The following CDK14 variants were observed in gnomAD, a reference collection of about 807,000 sequenced individuals.
CDK14 encodes cyclin dependent kinase 14.
In CDK14, 34 loss-of-function variants were observed where a neutral mutation model predicts 60.7. The ratio of observed to expected loss-of-function variants is 0.56; its 90% CI spans 0.43 to 0.75. CDK14 has a LOEUF of 0.75. CDK14 is among the 30% of genes least tolerant of loss of function. CDK14 has a pLI of 0.00. For missense variants in CDK14, 482 were observed against 564.1 expected, an observed-to-expected ratio of 0.85 and a Z score of 1.47; for synonymous variants, 197 against 203.7, an observed-to-expected ratio of 0.97 and a Z score of 0.28.
chr7:91,019,151 A>G (rs1283302790), intron 10 of CDK14, among the ~76,000 whole-genome samples: 1 of 152,204 alleles, frequency 6.6e-6, no homozygotes, highest in African/African-American at 2.4e-5. Context: ...GTAAACTCCA[A>G]TAAATAAGAA....
chr7:91,018,540 T>C (rs1796358378), intron 10 of CDK14, among the ~76,000 whole-genome samples: 10 of 152,318 alleles, frequency 6.6e-5, no homozygotes, highest in South Asian at 6.2e-4. Context: ...TACAAGGGCA[T>C]TGATATGGTT....
intron 11 of CDK14, among the ~76,000 whole-genome samples, chr7:91,072,216 G>A (rs935899196): frequency 1.5e-4 from 23 of 152,126 alleles, no homozygotes; most frequent in African/African-American, 5.1e-4. Flanking sequence ...CCAACTGGGC[G>A]AGACCCTCTT....
chr7:91,183,694 G>T (rs1340408033), intron 14 of CDK14, among the ~76,000 whole-genome samples: 1 of 152,148 alleles, frequency 6.6e-6, no homozygotes, highest in Non-Finnish European at 1.5e-5. Context: ...TGACACCTTA[G>T]TTCTTTCCAC....
chr7:90,907,840 A>T (rs924730459), intron 7 of CDK14, among the ~76,000 whole-genome samples: 2 of 152,114 alleles, frequency 1.3e-5, no homozygotes, highest in African/African-American at 4.8e-5. Flanking sequence ...TGCTATGCCA[A>T]ATTAAGATTG....
At chr7:90,956,196 T>C (rs956130217) in intron 9 of CDK14, among the ~76,000 whole-genome samples, 33 of 152,182 alleles carry the variant, frequency 2.2e-4, no homozygotes, top group African/African-American at 7.7e-4. Flanking sequence ...CTCTGATGAG[T>C]GGTCTGAAAA....
chr7:90,800,754 TG>T (rs1229176703), intron 5 of CDK14, among the ~76,000 whole-genome samples: 1 of 152,254 alleles, frequency 6.6e-6, no homozygotes, highest in Non-Finnish European at 1.5e-5. Flanking sequence ...ACAAATTTGC[TG>T]GCTTATTCTT....
At chr7:90,713,139 A>T (rs971334785) in intron 2 of CDK14, among the ~76,000 whole-genome samples, 1 of 152,084 alleles carries the variant, frequency 6.6e-6, no homozygotes, top group Non-Finnish European at 1.5e-5. Flanking sequence ...GCCTAGCTTC[A>T]TCAATACAGC....
intron 10 of CDK14, among the ~76,000 whole-genome samples, chr7:91,009,285 T>C (rs1016261760): frequency 6.6e-6 from 1 of 152,196 alleles, no homozygotes; most frequent in Non-Finnish European, 1.5e-5. Flanking sequence ...GATGGACATT[T>C]TAGTTTCCAG....
At chr7:91,166,007 T>TA (rs1801335218) in intron 14 of CDK14, among the ~76,000 whole-genome samples, 1 of 152,206 alleles carries the variant, frequency 6.6e-6, no homozygotes, top group African/African-American at 2.4e-5. Flanking sequence ...TTTTCAGTAT[T>TA]TCCCTCTATT....
chr7:90,712,893 CTT>C (rs1802117030), intron 2 of CDK14, among the ~76,000 whole-genome samples: 1 of 152,072 alleles, frequency 6.6e-6, no homozygotes, highest in Non-Finnish European at 1.5e-5. Context: ...GTCAGAGACT[CTT>C]AGAGCTGGCA....
chr7:90,637,388 A>T (rs1445390262), intron 2 of CDK14, among the ~76,000 whole-genome samples: 1 of 151,964 alleles, frequency 6.6e-6, no homozygotes, highest in Non-Finnish European at 1.5e-5. Flanking sequence ...TCATTTCGTT[A>T]TGTACCCTGT....
At chr7:90,775,448 G>GAA (rs3842181) in intron 4 of CDK14, among the ~76,000 whole-genome samples, 2 of 151,604 alleles carry the variant, frequency 1.3e-5, no homozygotes, top group African/African-American at 2.4e-5. Context: ...GTTTCTGTGG[G>GAA]AAAAAAAAGC....
chr7:90,838,966 C>A (rs1172678776), intron 5 of CDK14, among the ~76,000 whole-genome samples: 1 of 152,134 alleles, frequency 6.6e-6, no homozygotes, highest in African/African-American at 2.4e-5. Context: ...CTTTTGAAAT[C>A]CCTAATAAAA....
intron 11 of CDK14, among the ~76,000 whole-genome samples, chr7:91,048,781 C>T (rs1797307655): frequency 6.6e-6 from 1 of 152,160 alleles, no homozygotes; most frequent in African/African-American, 2.4e-5. Context: ...TGATATGTTT[C>T]AGGATCATTT....
At chr7:90,610,456 G>A (rs1294001090) in intron 2 of CDK14, among the ~76,000 whole-genome samples, 2 of 152,064 alleles carry the variant, frequency 1.3e-5, no homozygotes, top group Admixed American at 6.6e-5. Context: ...GCCTTCTTGC[G>A]ACCCTCCTCC....
chr7:90,657,156 A>G (rs1800769592), intron 2 of CDK14, among the ~76,000 whole-genome samples: 1 of 152,212 alleles, frequency 6.6e-6, no homozygotes, highest in Admixed American at 6.5e-5. Context: ...GTAAGAGACT[A>G]TCATAGTTTT....
chr7:90,636,173 T>G (rs1438591709), intron 2 of CDK14, among the ~76,000 whole-genome samples: 1 of 151,832 alleles, frequency 6.6e-6, no homozygotes, highest in Admixed American at 6.6e-5. Flanking sequence ...AACACTATGT[T>G]GAATAGGAGT....
chr7:90,739,379 A>G (rs118091948), intron 3 of CDK14, among the ~76,000 whole-genome samples: 19 of 152,278 alleles, frequency 1.2e-4, no homozygotes, highest in Non-Finnish European at 2.4e-4. Context: ...CCTTTACTAA[A>G]TCTTTCTTGT....
At chr7:91,107,900 C>G (rs902191932) in intron 12 of CDK14, 14 of 152,180 alleles carry the variant, frequency 9.2e-5, no homozygotes, top group Non-Finnish European at 1.8e-4. Flanking sequence ...AATGATAAGT[C>G]TAATGAAGCT....
Sources: allele counts gnomAD v4.1 joint callset (sites outside exome capture counted in the v4.1 genomes callset), GRCh38; gene constraint gnomAD v4.1.1; transcripts MANE v1.5; gene names NCBI Gene and HGNC (gene_info 2026-07-23, HGNC 2026-07-21).